Variants in VANGL1 observed in about 807,000 individuals in gnomAD.
The protein encoded by VANGL1 is vang-like protein 1.
Under a neutral mutation model 48.4 loss-of-function variants are expected in VANGL1, and 18 were observed. The observed-to-expected ratio is 0.37, with a 90% confidence interval of 0.26 to 0.55. The LOEUF (loss-of-function observed/expected upper bound fraction) is 0.55. Ranked by LOEUF, VANGL1 falls within the 20% of genes least tolerant of loss-of-function variation. The pLI is 0.81. For missense variants in VANGL1, 667 were observed against 675.8 expected (o/e 0.99, Z 0.14); for synonymous variants, 257 against 261.8 (o/e 0.98, Z 0.18).
At chr1:115,654,352 G>A (rs942967190) in intron 2 of VANGL1, among the ~76,000 whole-genome samples, 2 of 151,810 alleles carry the variant, frequency 1.3e-5, no homozygotes, top group African/African-American at 2.4e-5. Context: ...GAGGTCAGTG[G>A]CCTGGTTTTG....
intron 1 of VANGL1, among the ~76,000 whole-genome samples, chr1:115,643,964 T>C (rs917867073): frequency 4.6e-5 from 7 of 152,192 alleles, no homozygotes; most frequent in Admixed American, 6.5e-5. Flanking sequence ...TGTGAGCTCA[T>C]TGGGAGTTAG....
Position 115,685,461 on chromosome 1 carries a change from C to A in VANGL1, c.1248C>A (p.Asn416Lys). 1 of 1,614,184 alleles carries A rather than the reference C, an allele frequency of 6.2e-7. No individual in the cohort carries two copies. Among genetic ancestry groups the A allele is most frequent in the Non-Finnish European group, 8.5e-7 (1 of 1,180,036 alleles). The change falls in exon 7 of 8, where the codon AAC (asparagine) becomes AAA (lysine). Residue 416 changes from asparagine to lysine, a missense_variant. Transcript: ENST00000355485. ...QKYLRITRQQ[N>K]YHSMESILQH... ...ACCTGCGCATCACCCGGCAGCAGAA[C>A]TACCACAGCATGGAGAGCATCCTGC...
In VANGL1 at chr1:115,664,155, C is replaced by T. The variant is rs1473987445; in HGVS notation, c.699C>T (p.Ile233=). The T allele has an allele frequency of 4.3e-6, 7 of 1,614,032 alleles. No homozygotes were observed. The Admixed American group carries it at 1.0e-4, about 23-fold the overall frequency. ...AVSLVDALLF[I]HYLAIVLLEL... ...CCCTTGTGGATGCCCTCCTCTTCAT[C>T]CATTACCTGGCCATCGTCCTGCTGG... The change falls in exon 4 of 8, where the codon ATC becomes ATT. Residue 233 remains isoleucine, a synonymous_variant. Coordinates refer to ENST00000355485, the MANE Select transcript of VANGL1 (RefSeq NM_138959.3).
chr1:115,695,906 G>C lies in VANGL1; in HGVS notation c.*4527G>C, dbSNP rs534079988. 2.6e-5 allele frequency: 4 copies of C among 152,318 alleles called. No individual in the cohort carries two copies. The highest frequency in any genetic ancestry group is 9.6e-5 in the African/African-American group (4 of 41,572). The allele number at this position is 152,318 out of a possible 1,614,324, so 9.4% of individuals were successfully genotyped here. A position where few individuals can be genotyped will look rare whatever the true frequency, so the allele number is the denominator to read the frequency against. ...GACCTAGAGACACATCCTTGAACTA[G>C]AACCTGGGGTGAGAGTTCATTGGGA... On this transcript the variant is annotated 3_prime_UTR_variant, in exon 8 of 8. Coordinates refer to ENST00000355485, the MANE Select transcript of VANGL1 (RefSeq NM_138959.3).
chr1:115,651,593 G>C, intron 2 of VANGL1, 109 bp downstream of exon 2: 1 of 926,876 alleles, frequency 1.1e-6, no homozygotes, highest in South Asian at 1.4e-5. Context: ...TTGGTCGGTT[G>C]GTGCATGAGA....
intron 2 of VANGL1, among the ~76,000 whole-genome samples, chr1:115,658,875 G>C (rs1158489022): frequency 6.6e-6 from 1 of 152,102 alleles, no homozygotes; most frequent in Non-Finnish European, 1.5e-5. Flanking sequence ...GACCACCCAG[G>C]AAGTTCCTGT....
At chr1:115,684,135 T>TATTC in intron 6 of VANGL1, 59 bp downstream of exon 6, 1 of 1,333,506 alleles carries the variant, frequency 7.5e-7, no homozygotes, top group Non-Finnish European at 9.8e-7. Context: ...TTATTTTATT[T>TATTC]ATTTATTTAT....
In VANGL1 at chr1:115,691,771, A is replaced by T. The variant is rs1244855097; in HGVS notation, c.*392A>T. 1 of 194,732 alleles carries T rather than the reference A, an allele frequency of 5.1e-6. No individual in the cohort carries two copies. The highest frequency in any genetic ancestry group is 1.1e-5 in the Non-Finnish European group (1 of 94,200). 12.1% of individuals were successfully genotyped at this position (194,732 alleles called of 1,614,324 possible). A position where few individuals can be genotyped will look rare whatever the true frequency, so the allele number is the denominator to read the frequency against. On this transcript the variant is annotated 3_prime_UTR_variant, in exon 8 of 8. Transcript: ENST00000355485. ...GTAGACTTCCAGGGGACACATCTTT[A>T]TTCTGTTTCAGGAAACCAGTCACGA...
chr1:115,653,496 G>A (rs1274168502), intron 2 of VANGL1, among the ~76,000 whole-genome samples: 1 of 152,222 alleles, frequency 6.6e-6, no homozygotes, highest in Non-Finnish European at 1.5e-5. Flanking sequence ...AATGACAGAA[G>A]TAGGAATTTG....
chr1:115,680,961 TG>T (rs1653362696), intron 4 of VANGL1, among the ~76,000 whole-genome samples: 1 of 152,192 alleles, frequency 6.6e-6, no homozygotes, highest in South Asian at 2.1e-4. Context: ...AATATATCTG[TG>T]GTATTTAACA....
chr1:115,651,146 T>G (rs187191225), intron 1 of VANGL1, 131 bp from the exon 2 acceptor site: 1 of 467,852 alleles, frequency 2.1e-6, no homozygotes, highest in African/African-American at 2.0e-5. Flanking sequence ...TACAGTTCAG[T>G]TGCTTCACCC....
At chr1:115,648,114 G>A (rs1442417599) in intron 1 of VANGL1, among the ~76,000 whole-genome samples, 1 of 152,178 alleles carries the variant, frequency 6.6e-6, no homozygotes, top group African/African-American at 2.4e-5. Context: ...TCAAATTGGA[G>A]GCTAGCCAGC....
intron 1 of VANGL1, among the ~76,000 whole-genome samples, chr1:115,646,477 C>A (rs1054128463): frequency 6.9e-6 from 1 of 145,952 alleles, no homozygotes; most frequent in Non-Finnish European, 1.5e-5. Context: ...GACTGCCATG[C>A]GAGCCAGTAG....
intron 1 of VANGL1, among the ~76,000 whole-genome samples, chr1:115,646,844 C>G (rs565460383): frequency 6.6e-6 from 1 of 152,210 alleles, no homozygotes; most frequent in African/African-American, 2.4e-5. Context: ...AGAGAAGAGC[C>G]TGACTGAGAT....
chr1:115,663,183 G>A (rs569766172), intron 3 of VANGL1, among the ~76,000 whole-genome samples: 1 of 152,302 alleles, frequency 6.6e-6, no homozygotes, highest in Non-Finnish European at 1.5e-5. Context: ...CTTCTGGGCT[G>A]CTAGAGGGTG....
chr1:115,684,772 T>C (rs565759100), intron 6 of VANGL1, among the ~76,000 whole-genome samples: 2 of 152,294 alleles, frequency 1.3e-5, no homozygotes, highest in East Asian at 3.9e-4. Context: ...TCAGGTCATA[T>C]TCACTGAAGG....
chr1:115,649,570 C>G (rs1027544946), intron 1 of VANGL1, among the ~76,000 whole-genome samples: 1 of 152,210 alleles, frequency 6.6e-6, no homozygotes, highest in Non-Finnish European at 1.5e-5. Context: ...TAGACAGTGA[C>G]TTTCGTTTAC....
intron 4 of VANGL1, among the ~76,000 whole-genome samples, chr1:115,668,051 G>A (rs187680823): frequency 6.0e-4 from 92 of 152,316 alleles, no homozygotes; most frequent in African/African-American, 2.2e-3. Context: ...AATCATGTGA[G>A]GTAGGTTCTG....
chr1:115,674,946 C>CTG (rs35517432), intron 4 of VANGL1, among the ~76,000 whole-genome samples: 5 of 151,566 alleles, frequency 3.3e-5, no homozygotes, highest in African/African-American at 4.8e-5. Context: ...ATGTGTACGT[C>CTG]TGTGTGTGTG....
Sources: allele counts gnomAD v4.1 joint callset (sites outside exome capture counted in the v4.1 genomes callset), GRCh38; gene constraint gnomAD v4.1.1; transcripts MANE v1.5; gene names NCBI Gene and HGNC (gene_info 2026-07-23, HGNC 2026-07-21).